CSMD3: variants seen among roughly 807,000 people sequenced by gnomAD.
CSMD3 encodes the protein CUB and Sushi multiple domains 3, also known as CUB and sushi domain-containing protein 3.
Under a neutral mutation model 435.2 loss-of-function variants are expected in CSMD3, and 177 were observed. That is an observed-to-expected ratio of 0.41 (90% CI 0.36 to 0.46). The LOEUF is 0.46. Ranked by LOEUF, CSMD3 falls within the 20% of genes least tolerant of loss-of-function variation. CSMD3 has a pLI of 0.34. For missense variants in CSMD3, 4,265 were observed against 4,504.6 expected (o/e 0.95, Z 1.52); for synonymous variants, 1,656 against 1,520.5 (o/e 1.09, Z -2.07).
intron 40 of CSMD3, among the ~76,000 whole-genome samples, chr8:112,346,703 A>ATTTTGTT (rs1825710215): frequency 2.5e-5 from 3 of 119,072 alleles, no homozygotes; most frequent in South Asian, 2.9e-4. Context: ...TTTTTGGAGA[A>ATTTTGTT]GGAGTCTCTC....
At chr8:113,040,564 C>T (rs969725289) in intron 5 of CSMD3, among the ~76,000 whole-genome samples, 6 of 152,026 alleles carry the variant, frequency 3.9e-5, no homozygotes, top group Non-Finnish European at 7.4e-5. Flanking sequence ...TGAGAGCCAA[C>T]GGAGTTTGTG....
At chr8:113,202,778 C>T (rs926355199) in intron 3 of CSMD3, among the ~76,000 whole-genome samples, 2 of 152,054 alleles carry the variant, frequency 1.3e-5, no homozygotes, top group African/African-American at 4.8e-5. Context: ...AAAATAGCAA[C>T]TTATCTGTAG....
intron 1 of CSMD3, among the ~76,000 whole-genome samples, chr8:113,396,404 A>G (rs184301681): frequency 6.6e-6 from 1 of 152,260 alleles, no homozygotes; most frequent in African/African-American, 2.4e-5. Flanking sequence ...CTGGAGTACA[A>G]CTAATAAGGG....
At chr8:113,367,096 C>T (rs994462397) in intron 1 of CSMD3, among the ~76,000 whole-genome samples, 6 of 151,634 alleles carry the variant, frequency 4.0e-5, no homozygotes, top group African/African-American at 9.7e-5. Flanking sequence ...AATATACTTC[C>T]GGGGAATAAT....
chr8:112,947,825 T>C lies in CSMD3; in HGVS notation c.1473A>G (p.Glu491=), dbSNP rs1564136728. Residue 491 remains glutamate, a synonymous_variant, in exon 9 of 71, where the codon GAA becomes GAG. Coordinates refer to ENST00000297405, the MANE Select transcript of CSMD3 (RefSeq NM_198123.2). ...TASNLCPDPG[E]PENGKRIGSD... ...ATCCGATTCTCTTCCCATTTTCTGG[T>C]TCTCCTGGATCTGGGCATAAATTGG... The C allele has an allele frequency of 6.6e-7, 1 of 1,525,532 alleles. No individual in the cohort carries two copies. The allele number at this position is 1,525,532 out of a possible 1,614,324, so 94.5% of individuals were successfully genotyped here. A position where few individuals can be genotyped will look rare whatever the true frequency, so the allele number is the denominator to read the frequency against.
At position 112,244,458 on chromosome 8, in the gene CSMD3, A is replaced by G. The variant is rs891490645; in HGVS notation, c.10338T>C (p.Gly3446=). 6.2e-7 allele frequency: 1 copy of G among 1,613,794 alleles called. No homozygotes were observed. The highest frequency in any genetic ancestry group is 8.5e-7 in the Non-Finnish European group (1 of 1,179,860). The stretch of plus-strand genomic sequence containing the variant: ...ATCTACACACTCTATGTTCTGTTCC[A>G]CCTGCTAAGAAGAAGCCAGGCTGAC... The part of the protein sequence containing the change: ...YTCQPGFFLA[G]GTEHRVCRSD... Residue 3446 remains glycine, a synonymous_variant, in exon 65 of 71, where the codon GGT becomes GGC. Coordinates refer to ENST00000297405, the MANE Select transcript of CSMD3 (RefSeq NM_198123.2).
intron 15 of CSMD3, among the ~76,000 whole-genome samples, chr8:112,682,950 G>C (rs991143658): frequency 3.2e-4 from 49 of 152,094 alleles, no homozygotes; most frequent in African/African-American, 1.1e-3. Flanking sequence ...AATATTTCCA[G>C]TATAAGCTGG....
chr8:112,500,063 C>T (rs1185906866), intron 30 of CSMD3, among the ~76,000 whole-genome samples: 1 of 151,890 alleles, frequency 6.6e-6, no homozygotes, highest in African/African-American at 2.4e-5. Context: ...GAACCGGGAT[C>T]GCACCACTGC....
At chr8:112,539,575 C>T (rs1460038068) in intron 27 of CSMD3, among the ~76,000 whole-genome samples, 1 of 152,102 alleles carries the variant, frequency 6.6e-6, no homozygotes, top group Admixed American at 6.6e-5. Context: ...AAAATAGACA[C>T]ACAGACGAAT....
intron 4 of CSMD3, among the ~76,000 whole-genome samples, chr8:113,142,383 T>C (rs1170397688): frequency 1.3e-5 from 2 of 151,278 alleles, no homozygotes; most frequent in East Asian, 3.9e-4. Flanking sequence ...GATATAGCTA[T>C]AGTAATCACA....
intron 10 of CSMD3, among the ~76,000 whole-genome samples, chr8:112,880,750 A>C (rs2130194430): frequency 1.3e-5 from 2 of 151,860 alleles, no homozygotes; most frequent in South Asian, 4.2e-4. Flanking sequence ...CTAAGGGGGG[A>C]TACTTTGTGG....
At chr8:112,804,726 G>A (rs1487211085) in intron 12 of CSMD3, among the ~76,000 whole-genome samples, 2 of 151,148 alleles carry the variant, frequency 1.3e-5, no homozygotes, top group Admixed American at 6.6e-5. Context: ...GTGCATTGGC[G>A]CGATCTCGGC....
intron 24 of CSMD3, among the ~76,000 whole-genome samples, chr8:112,569,734 T>A (rs910947613): frequency 3.9e-5 from 6 of 152,156 alleles, no homozygotes; most frequent in Non-Finnish European, 8.8e-5. Flanking sequence ...GTGAGAAGCA[T>A]CAAGATACGT....
At chr8:113,154,236 T>C (rs1301534291) in intron 4 of CSMD3, among the ~76,000 whole-genome samples, 2 of 152,042 alleles carry the variant, frequency 1.3e-5, no homozygotes, top group East Asian at 3.9e-4. Context: ...AGTAGTGTAA[T>C]TATTTTTTAG....
chr8:112,673,299 G>A (rs1014671464), intron 16 of CSMD3, among the ~76,000 whole-genome samples: 2 of 151,708 alleles, frequency 1.3e-5, no homozygotes, highest in Non-Finnish European at 2.9e-5. Flanking sequence ...ATGTATCTAG[G>A]ATAAGAAGAG....
chr8:112,706,264 T>C (rs940787157), intron 13 of CSMD3, among the ~76,000 whole-genome samples: 2 of 152,034 alleles, frequency 1.3e-5, no homozygotes, highest in Admixed American at 6.6e-5. Context: ...AATCTTGAAA[T>C]TGTACTATGT....
intron 45 of CSMD3, among the ~76,000 whole-genome samples, chr8:112,327,901 T>C (rs1397217856): frequency 6.6e-6 from 1 of 152,238 alleles, no homozygotes; most frequent in East Asian, 1.9e-4. Flanking sequence ...TTCTTTTCAA[T>C]GAAACATCCA....
intron 61 of CSMD3, among the ~76,000 whole-genome samples, chr8:112,261,338 A>G (rs1816379527): frequency 6.6e-6 from 1 of 152,124 alleles, no homozygotes; most frequent in African/African-American, 2.4e-5. Context: ...TTATAAAATG[A>G]CTATCCATGA....
At chr8:113,121,538 C>G (rs72685849) in intron 4 of CSMD3, among the ~76,000 whole-genome samples, 10,154 of 152,148 alleles carry the variant, frequency 0.067, 457 homozygotes, top group Non-Finnish European at 0.095. Context: ...AGTTTGGTCT[C>G]TTTCTCAGTC....
Sources: gnomAD v4.1 joint callset for allele counts (sites outside exome capture counted in the v4.1 genomes callset) on GRCh38, gnomAD v4.1.1 for gene constraint, MANE v1.5 for transcripts, NCBI Gene and HGNC (gene_info 2026-07-23, HGNC 2026-07-21) for gene names.